Variants in GRIN2C observed in about 807,000 individuals in gnomAD.
GRIN2C encodes glutamate receptor ionotropic, NMDA 2C.
GRIN2C carries 64 observed loss-of-function variants against 77.7 expected under a neutral mutation model. That is an observed-to-expected ratio of 0.82 (90% CI 0.67 to 1.01). The LOEUF (loss-of-function observed/expected upper bound fraction) is 1.01. Ranked by LOEUF, GRIN2C falls within the 50% of genes least tolerant of loss-of-function variation. GRIN2C has a pLI of 0.00. For synonymous variants in GRIN2C, 792 were observed against 643.4 expected, an observed-to-expected ratio of 1.23 and a Z score of -3.49; for missense variants, 1,549 against 1,486.0, an observed-to-expected ratio of 1.04 and a Z score of -0.70.
chr17:74,850,775 G>A lies in GRIN2C; in HGVS notation c.1114-8C>T. On this transcript the variant is annotated splice_region_variant and splice_polypyrimidine_tract_variant and intron_variant, in intron 4 of 12. Transcript: ENST00000293190. The surrounding 1 kb of genome is among the most constrained non-coding windows in gnomAD (Gnocchi z 5.3). ...ATGCTCCCAGCGCCCCACCTGTGGA[G>A]GGTGACAGCCTCAGCCTGGGGCCTC... 6.2e-7 allele frequency: 1 copy of A among 1,606,824 alleles called. No homozygotes were observed.
rs375127704 is a variant in GRIN2C, at chr17:74,842,621, G to A, written c.3516C>T (p.Ala1172=). The A allele has an allele frequency of 1.2e-4, 93 of 758,276 alleles. No homozygotes were observed. The African/African-American group carries it at 1.4e-3, about 11-fold the overall frequency. 47.0% of individuals were successfully genotyped at this position (758,276 alleles called of 1,614,324 possible). Residue 1172 remains alanine, a synonymous_variant, in exon 13 of 13, where the codon GCC becomes GCT. Coordinates refer to ENST00000293190, the MANE Select transcript of GRIN2C (RefSeq NM_000835.6). ...CCCCGGAGAGCCAGGAGCCGTGGCT[G>A]GCACAGGGTGGAAGGTGAGGACAGA... The part of the protein sequence containing the change: ...GAVCPHLPPC[A]SHGSWLSGAW...
intron 7 of GRIN2C, 38 bp from the exon 8 acceptor site, chr17:74,848,015 G>A (rs779128118): frequency 4.7e-5 from 76 of 1,612,152 alleles, no homozygotes; most frequent in Admixed American, 1.7e-5. Context: ...GCCTCGGCAT[G>A]TTCCCTGCCC....
Position 74,850,197 on chromosome 17 carries a change from G to C in GRIN2C, c.1491+9C>G, listed in dbSNP as rs200536239. ...AGGGCAGGTGAGGAGGGAGTGGGGT[G>C]GGGCCTACCTCCCCAATCATGCCGT... On this transcript the variant is annotated intron_variant, in intron 6 of 12. Coordinates refer to ENST00000293190, the MANE Select transcript of GRIN2C (RefSeq NM_000835.6). The surrounding 1 kb of genome is among the most constrained non-coding windows in gnomAD (Gnocchi z 5.3). The C allele has an allele frequency of 2.2e-5, 35 of 1,612,734 alleles. No homozygotes were observed. The highest frequency in any genetic ancestry group is 2.8e-5 in the Non-Finnish European group (33 of 1,179,750).
rs757517537 is a variant in GRIN2C, at chr17:74,851,970, C to A, written c.998+43G>T. ...TCACTGCCAGCCAGCTCCCCCGAAG[C>A]GCTCCCCACCTCCCTACCCCTATGC... On this transcript the variant is annotated intron_variant, in intron 3 of 12. Coordinates refer to ENST00000293190, the MANE Select transcript of GRIN2C (RefSeq NM_000835.6). 4.2e-6 allele frequency: 6 copies of A among 1,416,560 alleles called. No individual in the cohort carries two copies. In the South Asian group the frequency reaches 6.0e-5, roughly 14 times the overall value. The allele number at this position is 1,416,560 out of a possible 1,614,324, so 87.7% of individuals were successfully genotyped here.
rs1051501914 is a variant in GRIN2C at position 74,847,640 on chromosome 17, T to C, written c.1772-103A>G. The C allele has an allele frequency of 1.0e-6, 1 of 975,188 alleles. No individual in the cohort carries two copies. The highest frequency in any genetic ancestry group is 1.6e-5 in the African/African-American group (1 of 61,828). 60.4% of individuals were successfully genotyped at this position (975,188 alleles called of 1,614,324 possible). A position where few individuals can be genotyped will look rare whatever the true frequency, so the allele number is the denominator to read the frequency against. ...GCACAGCTCCGGTCTCAGCCTGGCC[T>C]TGGGGGGGACGCGTCCTGGCCATTC... On this transcript the variant is annotated intron_variant, in intron 8 of 12. Coordinates refer to ENST00000293190, the MANE Select transcript of GRIN2C (RefSeq NM_000835.6). The surrounding 1 kb of genome is among the most constrained non-coding windows in gnomAD (Gnocchi z 5.2).
chr17:74,844,160 C>T, intron 12 of GRIN2C, 116 bp downstream of exon 12: 3 of 1,494,078 alleles, frequency 2.0e-6, no homozygotes, highest in Non-Finnish European at 2.7e-6. Flanking sequence ...AGGTGTGAGC[C>T]ATGAGCCGGG....
At chr17:74,845,732 C>G (rs2037434811) in intron 11 of GRIN2C, among the ~76,000 whole-genome samples, 1 of 152,164 alleles carries the variant, frequency 6.6e-6, no homozygotes, top group Non-Finnish European at 1.5e-5. Flanking sequence ...AGGTGCTCAT[C>G]TGGGAGAGAT....
chr17:74,844,020 C>T (rs1202284830), intron 12 of GRIN2C: 18 of 661,702 alleles, frequency 2.7e-5, no homozygotes, highest in East Asian at 1.5e-4. Flanking sequence ...ACTGCAGGCG[C>T]GCACCACCAC....
rs534597524 is a variant in GRIN2C, at chr17:74,856,340, C to T, written c.-15-1233G>A. Among the ~76,000 whole-genome samples the T allele has an allele frequency of 4.1e-4, 62 of 152,316 alleles. 2 individuals are homozygous for T. The South Asian group carries it at 0.013, about 32-fold the overall frequency. On this transcript the variant is annotated intron_variant, in intron 1 of 12. Transcript: ENST00000293190. Reference sequence around the variant, plus strand: ...TGCACATCTCTGCTACAGAAATGCTCACGAAAATCAAGCAGTTGCCAGAAA... The same window carrying T: ...TGCACATCTCTGCTACAGAAATGCTTACGAAAATCAAGCAGTTGCCAGAAA...
chr17:74,849,643 G>T lies in GRIN2C; in HGVS notation c.1645+137C>A. 1.3e-6 allele frequency: 1 copy of T among 761,488 alleles called. No homozygotes were observed. Among genetic ancestry groups the T allele is most frequent in the Non-Finnish European group, 2.1e-6 (1 of 473,104 alleles). 47.2% of individuals were successfully genotyped at this position (761,488 alleles called of 1,614,324 possible). A position where few individuals can be genotyped will look rare whatever the true frequency, so the allele number is the denominator to read the frequency against. On this transcript the variant is annotated intron_variant, in intron 7 of 12. Transcript: ENST00000293190. The surrounding 1 kb of genome is among the most constrained non-coding windows in gnomAD (Gnocchi z 4.6). The stretch of plus-strand genomic sequence containing the variant: ...CCTGTCTCCTTTCCACTCACCTCCA[G>T]CCAACCTCCAAGACCCAAGGCTGCT...
At chr17:74,844,643 A>G in intron 11 of GRIN2C, 135 bp from the exon 12 acceptor site, 2 of 1,413,124 alleles carry the variant, frequency 1.4e-6, no homozygotes, top group Non-Finnish European at 1.9e-6. Context: ...AGCAGACCAC[A>G]TGGGGATCCA....
Position 74,843,203 on chromosome 17 carries a change from C to G in GRIN2C, c.2934G>C (p.Pro978=), listed in dbSNP as rs1230926163. ...AALVRRAPQP[P]GRPPTPGPPL... ...GCGGCCCCGGCGTCGGGGGGCGGCC[C>G]GGGGGCTGCGGAGCCCTGCGCACAA... The change falls in exon 13 of 13, where the codon CCG becomes CCC. Residue 978 remains proline, a synonymous_variant. Coordinates refer to ENST00000293190, the MANE Select transcript of GRIN2C (RefSeq NM_000835.6). The G allele has an allele frequency of 3.6e-5, 15 of 419,800 alleles. No homozygotes were observed. The highest frequency in any genetic ancestry group is 4.7e-5 in the Non-Finnish European group (12 of 254,718). The allele number at this position is 419,800 out of a possible 1,614,324, so 26.0% of individuals were successfully genotyped here.
In GRIN2C at chr17:74,847,162, AC is replaced by A; in HGVS notation, c.2001+145del. The A allele has an allele frequency of 1.4e-6, 1 of 740,154 alleles. No individual in the cohort carries two copies. The highest frequency in any genetic ancestry group is 2.2e-6 in the Non-Finnish European group (1 of 453,804). The allele number at this position is 740,154 out of a possible 1,614,324, so 45.8% of individuals were successfully genotyped here. A position where few individuals can be genotyped will look rare whatever the true frequency, so the allele number is the denominator to read the frequency against. ...GAGCCATCTCTTGCCCCAGCCCCCA[AC>A]CCCTTCTCAGCAGGCCCTGAAGCTT... On this transcript the variant is annotated intron_variant, in intron 9 of 12. Coordinates refer to ENST00000293190, the MANE Select transcript of GRIN2C (RefSeq NM_000835.6). This position sits in a 1 kb window ranked among gnomAD's most constrained non-coding sequence, Gnocchi z 5.2.
rs1441293114 is a variant in GRIN2C, at chr17:74,850,114, G to GC, written c.1491+91dup. The GC allele has an allele frequency of 6.9e-7, 1 of 1,450,866 alleles. No homozygotes were observed. 89.9% of individuals were successfully genotyped at this position (1,450,866 alleles called of 1,614,324 possible). On this transcript the variant is annotated intron_variant, in intron 6 of 12. Coordinates refer to ENST00000293190, the MANE Select transcript of GRIN2C (RefSeq NM_000835.6). This position sits in a 1 kb window ranked among gnomAD's most constrained non-coding sequence, Gnocchi z 5.3. ...GGAGTCATCATTGGTGACAGCCCAT[G>GC]CCCCCCTCTAGAGGGCATCTGAGAG...
intron 1 of GRIN2C, among the ~76,000 whole-genome samples, chr17:74,856,695 G>A (rs1405181419): frequency 6.6e-6 from 1 of 151,896 alleles, no homozygotes; most frequent in Non-Finnish European, 1.5e-5. Flanking sequence ...TAGCCAGGAT[G>A]GTCTCGATCT....
Position 74,855,055 on chromosome 17 carries a change from G to C in GRIN2C, c.38C>G (p.Ser13Trp). 6 of 1,597,384 alleles carry C rather than the reference G, an allele frequency of 3.8e-6. No homozygotes were observed. The highest frequency in any genetic ancestry group is 5.1e-6 in the Non-Finnish European group (6 of 1,177,984). The stretch of plus-strand genomic sequence containing the variant: ...CAGCCCTGCCCAGGCACCGAAGAGC[G>C]AGGTGAGCAACAGGGCCGGCCCCAG... ...GALGPALLLT[S>W]LFGAWAGLGP... The change falls in exon 2 of 13, where the codon TCG becomes TGG. Residue 13 changes from serine to tryptophan, a missense_variant. By Grantham distance (177) the Ser-to-Trp change is radical. Coordinates refer to ENST00000293190, the MANE Select transcript of GRIN2C (RefSeq NM_000835.6).
chr17:74,846,333 A>G lies in GRIN2C; in HGVS notation c.2163-80T>C. On this transcript the variant is annotated intron_variant, in intron 10 of 12. Coordinates refer to ENST00000293190, the MANE Select transcript of GRIN2C (RefSeq NM_000835.6). This position sits in a 1 kb window ranked among gnomAD's most constrained non-coding sequence, Gnocchi z 4.4. ...CGAAACTGGGGCGTGACAGGGGTCT[A>G]AACCACATGAGCCTGCTGGGCACCC... is the stretch of plus-strand genomic sequence containing the variant. The G allele has an allele frequency of 5.6e-6, 7 of 1,255,818 alleles. No individual in the cohort carries two copies. The highest frequency in any genetic ancestry group is 8.0e-6 in the Non-Finnish European group (7 of 871,596). 77.8% of individuals were successfully genotyped at this position (1,255,818 alleles called of 1,614,324 possible).
intron 1 of GRIN2C, among the ~76,000 whole-genome samples, 154 bp from the exon 2 acceptor site, chr17:74,855,261 C>G (rs574586608): frequency 7.2e-5 from 11 of 152,276 alleles, no homozygotes; most frequent in Admixed American, 7.2e-4. Context: ...GAGAGGGAGA[C>G]AGACAGACAC....
rs1254613266 is a variant in GRIN2C, at chr17:74,847,334, T to C, written c.1975A>G (p.Thr659Ala). Residue 659 changes from threonine (T) to alanine (A), a missense_variant, in exon 9 of 13, where the codon ACT (threonine) becomes GCT (alanine). Transcript: ENST00000293190. The surrounding 1 kb of genome is among the most constrained non-coding windows in gnomAD (Gnocchi z 5.2). ...TTCTTGTCACTGAGGCCCGACACAG[T>C]GTCGATGTATTGCTCTTGGATCATG... Reference protein sequence around the residue: ...AFMIQEQYIDTVSGLSDKKFQ... With the variant: ...AFMIQEQYIDAVSGLSDKKFQ... 1.4e-6 allele frequency: 2 copies of C among 1,415,408 alleles called. No individual in the cohort carries two copies. Among genetic ancestry groups the C allele is most frequent in the Non-Finnish European group, 1.9e-6 (2 of 1,058,296 alleles). The allele number at this position is 1,415,408 out of a possible 1,614,324, so 87.7% of individuals were successfully genotyped here.
Sources: allele counts gnomAD v4.1 joint callset (sites outside exome capture counted in the v4.1 genomes callset), GRCh38; gene constraint gnomAD v4.1.1; non-coding constraint Gnocchi (gnomAD v3.1); transcripts MANE v1.5; gene names NCBI Gene and HGNC (gene_info 2026-07-23, HGNC 2026-07-21).